The following CTBP2 variants were observed in gnomAD, a reference collection of about 807,000 sequenced individuals.
The protein encoded by CTBP2 is C-terminal binding protein 2.
CTBP2 carries 30 observed loss-of-function variants against 80.3 expected under a neutral mutation model. The ratio of observed to expected loss-of-function variants is 0.37; its 90% CI spans 0.28 to 0.51. The LOEUF (loss-of-function observed/expected upper bound fraction) is 0.51. CTBP2 is among the 20% of genes least tolerant of loss of function. The pLI, the probability that CTBP2 is intolerant of heterozygous loss-of-function variation, is 0.93. For missense variants in CTBP2, 1,212 were observed against 1,375.3 expected, an observed-to-expected ratio of 0.88 and a Z score of 1.88; for synonymous variants, 594 against 587.4, an observed-to-expected ratio of 1.01 and a Z score of -0.16.
rs1194942389 is a variant in CTBP2, at chr10:124,997,999, C to G, written c.2150G>C (p.Arg717Pro). The change falls in exon 4 of 9, where the codon CGC becomes CCC. Residue 717 changes from arginine (R) to proline (P), a missense_variant. Physicochemically the swap from Arg to Pro is moderately radical, Grantham distance 103. Transcript: ENST00000309035. Reference sequence around the variant, plus strand: ...GAGGCCCAGCGTCTCCCCACGGATGCGGGCCGCTCCCGAGGCCACCTCGCG... The same window carrying G: ...GAGGCCCAGCGTCTCCCCACGGATGGGGGCCGCTCCCGAGGCCACCTCGCG... 6.2e-7 allele frequency: 1 copy of G among 1,612,876 alleles called. No individual in the cohort carries two copies. Among genetic ancestry groups the G allele is most frequent in the Non-Finnish European group, 8.5e-7 (1 of 1,179,928 alleles).
chr10:124,984,646 A>G lies in CTBP2; in HGVS notation c.*4872T>C, dbSNP rs564759183. On this transcript the variant is annotated 3_prime_UTR_variant, in exon 9 of 9. Transcript: ENST00000309035. The stretch of plus-strand genomic sequence containing the variant: ...ACAAAACTTCCAAGAGGTCAAAACC[A>G]TGTGAAAAGTTGATTGCTTTGGCCT... 116 of 891,848 alleles carry G rather than the reference A, an allele frequency of 1.3e-4. No homozygotes were observed. The highest frequency in any genetic ancestry group is 2.5e-5 in the Non-Finnish European group (15 of 593,852). The allele number at this position is 891,848 out of a possible 1,614,324, so 55.2% of individuals were successfully genotyped here.
At chr10:124,993,012 TAA>T (rs1952914908) in intron 7 of CTBP2, among the ~76,000 whole-genome samples, 188 bp downstream of exon 9, 1 of 152,214 alleles carries the variant, frequency 6.6e-6, no homozygotes, top group African/African-American at 2.4e-5. Context: ...TGTCTGGGAC[TAA>T]AGGGAATGGT....
In CTBP2 at chr10:124,994,456, A is replaced by G. The variant is rs537160887; in HGVS notation, c.2400+13T>C. 4.3e-6 allele frequency: 7 copies of G among 1,612,886 alleles called. No homozygotes were observed. Among genetic ancestry groups the G allele is most frequent in the Non-Finnish European group, 4.2e-6 (5 of 1,179,084 alleles). On this transcript the variant is annotated intron_variant, in intron 5 of 8. Coordinates refer to ENST00000309035, the MANE Select transcript of CTBP2 (RefSeq NM_022802.3). ...TTCGACAGAAGCTTCCATGGCATCTATTTTCAAATTACCTGCTTTATGGTA... is the reference window on the plus strand; with the variant it reads ...TTCGACAGAAGCTTCCATGGCATCTGTTTTCAAATTACCTGCTTTATGGTA...
intron 2 of CTBP2, among the ~76,000 whole-genome samples, chr10:125,049,046 G>GACAGACACACACACACACACACACAC (rs1962004928): frequency 2.2e-5 from 2 of 89,662 alleles, no homozygotes; most frequent in African/African-American, 8.1e-5. Context: ...CCTGACCACA[G>GACAGACACACACACACACACACACAC]ACACACACAC....
upstream of CTBP2, among the ~76,000 whole-genome samples, chr10:125,030,360 G>A (rs1422147669): frequency 1.3e-5 from 2 of 152,162 alleles, no homozygotes; most frequent in African/African-American, 2.4e-5. Flanking sequence ...GGAGAGAGGC[G>A]ATGTCCACCC....
rs879415781 is a variant in CTBP2 at position 125,066,365 on chromosome 10, C to A, written c.-101-27210G>T. Among the ~76,000 whole-genome samples, 11 of 152,150 alleles carry A rather than the reference C, an allele frequency of 7.2e-5. No individual in the cohort carries two copies. The highest frequency in any genetic ancestry group is 2.0e-4 in the Admixed American group (3 of 15,280). The stretch of plus-strand genomic sequence containing the variant: ...GCGAGAAATCGGGAAAACATCAAGT[C>A]AGAACGTCCCGTGCCTTCTAAGCAG... On this transcript the variant is annotated intron_variant, in intron 2 of 10. Coordinates refer to the CTBP2 transcript ENST00000337195. The surrounding 1 kb of genome is among the most constrained non-coding windows in gnomAD (Gnocchi z 4.1).
At chr10:125,020,175 C>G (rs1956896564) in intron 1 of CTBP2, among the ~76,000 whole-genome samples, 1 of 152,150 alleles carries the variant, frequency 6.6e-6, no homozygotes. Context: ...ATACCTTGGC[C>G]AAGATCAACA....
rs777019307 is a variant in CTBP2 at position 124,989,473 on chromosome 10, C to G, written c.*45G>C. 3.2e-6 allele frequency: 5 copies of G among 1,556,222 alleles called. No homozygotes were observed. The South Asian group carries it at 4.5e-5, about 14-fold the overall frequency. ...TTAGTTCATCTATTTTTCACTGTCT[C>G]TTGGTCCCAAGTGTATCTGAGTGAT... is the stretch of plus-strand genomic sequence containing the variant. On this transcript the variant is annotated 3_prime_UTR_variant, in exon 9 of 9. Coordinates refer to ENST00000309035, the MANE Select transcript of CTBP2 (RefSeq NM_022802.3).
chr10:125,112,389 A>G (rs569328022), intron 1 of CTBP2, among the ~76,000 whole-genome samples: 162 of 149,148 alleles, frequency 1.1e-3, no homozygotes, highest in African/African-American at 3.7e-3. Context: ...CTGGGATTAC[A>G]GGCGTGAGCC....
At chr10:125,057,333 G>C (rs950073760) in intron 2 of CTBP2, among the ~76,000 whole-genome samples, 5 of 152,202 alleles carry the variant, frequency 3.3e-5, no homozygotes, top group South Asian at 2.1e-4. Flanking sequence ...TCGAAAGAGA[G>C]ACACACACAT....
chr10:125,132,025 A>T (rs1856269303), intron 1 of CTBP2, among the ~76,000 whole-genome samples: 1 of 152,192 alleles, frequency 6.6e-6, no homozygotes, highest in South Asian at 2.1e-4. Flanking sequence ...TTTCGGAAGC[A>T]TTATAGCACT....
intron 1 of CTBP2, among the ~76,000 whole-genome samples, chr10:125,122,181 C>A (rs1432971394): frequency 6.6e-6 from 1 of 152,220 alleles, no homozygotes; most frequent in Non-Finnish European, 1.5e-5. Flanking sequence ...CACTGGGAAT[C>A]CTGAACTAAC....
At chr10:125,011,270 C>A (rs1955863467) in intron 1 of CTBP2, among the ~76,000 whole-genome samples, 1 of 152,242 alleles carries the variant, frequency 6.6e-6, no homozygotes, top group African/African-American at 2.4e-5. Flanking sequence ...GAAATGGCCA[C>A]AGGAACACCC....
At chr10:125,134,094 T>C (rs776026210) in intron 1 of CTBP2, among the ~76,000 whole-genome samples, 29 of 152,218 alleles carry the variant, frequency 1.9e-4, no homozygotes, top group Non-Finnish European at 3.7e-4. Flanking sequence ...CATTCCGAAG[T>C]CCTGTCCTGG....
chr10:125,082,962 GA>G (rs1462749423), intron 2 of CTBP2, among the ~76,000 whole-genome samples: 8 of 152,164 alleles, frequency 5.3e-5, no homozygotes, highest in Non-Finnish European at 7.4e-5. Flanking sequence ...ATTCAGCTCA[GA>G]AGCCAATGCT....
chr10:125,036,668 GGTGT>G (rs59284647), intron 3 of CTBP2, among the ~76,000 whole-genome samples: 18,306 of 118,676 alleles, frequency 0.15, 931 homozygotes, highest in Middle Eastern at 0.18. Flanking sequence ...AGCTAGAGGG[GGTGT>G]GTGTGTGTGT....
intron 1 of CTBP2, among the ~76,000 whole-genome samples, chr10:125,151,795 G>A (rs1259740125): frequency 6.6e-6 from 1 of 152,182 alleles, no homozygotes; most frequent in Admixed American, 6.5e-5. Context: ...CTCGCGGACC[G>A]GAGAGGGGCC....
At chr10:125,029,943 T>C (rs928754680), upstream of CTBP2, among the ~76,000 whole-genome samples, 31 of 152,156 alleles carry the variant, frequency 2.0e-4, no homozygotes, top group African/African-American at 7.0e-4. Flanking sequence ...CAGATGCGCT[T>C]TGGGGCAGCA....
chr10:125,059,219 C>T (rs1964513461), intron 2 of CTBP2, among the ~76,000 whole-genome samples: 2 of 152,048 alleles, frequency 1.3e-5, no homozygotes, highest in Non-Finnish European at 2.9e-5. Context: ...GTTTTGTTGG[C>T]TTATAGAGGA....
Sources: gnomAD v4.1 joint callset for allele counts (sites outside exome capture counted in the v4.1 genomes callset) on GRCh38, gnomAD v4.1.1 for gene constraint, Gnocchi (gnomAD v3.1) non-coding constraint, MANE v1.5 for transcripts, NCBI Gene and HGNC (gene_info 2026-07-23, HGNC 2026-07-21) for gene names.